Variants in PIWIL1 observed in about 807,000 individuals in gnomAD.
The protein encoded by PIWIL1 is piwi-like protein 1.
A neutral mutation model predicts 114.4 loss-of-function variants in PIWIL1; 73 were observed. The observed-to-expected ratio is 0.64, with a 90% confidence interval of 0.53 to 0.78. The LOEUF (loss-of-function observed/expected upper bound fraction) is 0.78, where lower values mean the gene tolerates loss of function less well. PIWIL1 is among the 30% of genes least tolerant of loss of function. The probability of loss-of-function intolerance (pLI) is 0.00; values close to 1 mark genes in which losing one functional copy is unlikely to be tolerated. For synonymous variants in PIWIL1, 375 were observed against 369.0 expected (o/e 1.02, Z -0.19); for missense variants, 723 against 1,063.1 (o/e 0.68, Z 4.45).
the PIWIL1 span, among the ~76,000 whole-genome samples, chr12:130,393,090 G>A: frequency 2.2e-3 from 38 of 17,618 alleles, no homozygotes; most frequent in East Asian, 5.8e-3. Context: ...CCCAGTCACC[G>A]TCATCACGTG....
chr12:130,424,641 T>C, the PIWIL1 span: 1 of 1,231,692 alleles, frequency 8.1e-7, no homozygotes, highest in East Asian at 3.2e-5. This position sits in a 1 kb window ranked among gnomAD's most constrained non-coding sequence, Gnocchi z 9.8. Context: ...CCGAGGGGCC[T>C]CGTCGCCCCT....
rs1260263862 is a variant in PIWIL1 at position 130,354,645 on chromosome 12, G to A, written c.1153G>A (p.Glu385Lys). 6.3e-7 allele frequency: 1 copy of A among 1,596,404 alleles called. No individual in the cohort carries two copies. The highest frequency in any genetic ancestry group is 8.5e-7 in the Non-Finnish European group (1 of 1,174,312). ...TLPGPAMLIP[E>K]LCYLTGLTDK... ...GCCAGGGCCTGCCATGCTCATTCCT[G>A]AGCTCTGCTATCTTACAGGTACTGT... Residue 385 changes from glutamate (E) to lysine (K), a missense_variant, in exon 10 of 21, where the codon GAG becomes AAG. By Grantham distance (56) the Glu-to-Lys change is moderately conservative. Coordinates refer to ENST00000245255, the MANE Select transcript of PIWIL1 (RefSeq NM_004764.5).
intron 13 of PIWIL1, 63 bp from the exon 14 acceptor site, chr12:130,357,418 G>A: frequency 8.2e-7 from 1 of 1,222,598 alleles, no homozygotes; most frequent in Non-Finnish European, 1.2e-6. Context: ...ACAGGAAGGT[G>A]TTTATGCACG....
At chr12:130,391,533 G>T in the PIWIL1 span, among the ~76,000 whole-genome samples, 1 of 152,222 alleles carries the variant, frequency 6.6e-6, no homozygotes, top group Admixed American at 6.5e-5. Flanking sequence ...TTTAAGAAGG[G>T]ACTAGAAAAA....
intron 1 of PIWIL1, among the ~76,000 whole-genome samples, chr12:130,340,106 G>A (rs1345439488): frequency 6.6e-6 from 1 of 152,154 alleles, no homozygotes; most frequent in Non-Finnish European, 1.5e-5. Context: ...TCACGCCGGG[G>A]AAACGGCTTT....
chr12:130,400,916 A>G, the PIWIL1 span, among the ~76,000 whole-genome samples: 8 of 152,276 alleles, frequency 5.3e-5, no homozygotes, highest in Middle Eastern at 3.4e-3. Flanking sequence ...AACAAAATGG[A>G]AAAAACAGGT....
chr12:130,399,136 T>TA, the PIWIL1 span: 3 of 1,398,962 alleles, frequency 2.1e-6, no homozygotes, highest in East Asian at 8.1e-5. Context: ...ATTGCCTGAT[T>TA]AAGGTGTGAA....
the PIWIL1 span, among the ~76,000 whole-genome samples, chr12:130,391,928 A>C: frequency 1.1e-5 from 1 of 92,212 alleles, no homozygotes; most frequent in Admixed American, 1.0e-4. Flanking sequence ...TGAATATTCA[A>C]TGTGATGACC....
At chr12:130,340,864 G>A (rs925325284) in intron 1 of PIWIL1, among the ~76,000 whole-genome samples, 1 of 152,146 alleles carries the variant, frequency 6.6e-6, no homozygotes, top group Non-Finnish European at 1.5e-5. Context: ...GCACCTCAGC[G>A]GATTATCCTG....
intron 8 of PIWIL1, 50 bp from the exon 9 acceptor site, chr12:130,349,806 T>C: frequency 9.8e-7 from 1 of 1,024,708 alleles, no homozygotes; most frequent in Non-Finnish European, 1.5e-6. Context: ...TTTTTAATAT[T>C]AGTTCTTCAC....
intron 18 of PIWIL1, chr12:130,366,473 GC>G (rs2136190387): frequency 6.6e-6 from 1 of 152,432 alleles, no homozygotes; most frequent in South Asian, 2.1e-4. Context: ...ACACAGGAGA[GC>G]CGCCTGAAGA....
At chr12:130,424,821 C>T in the PIWIL1 span, 2 of 1,232,698 alleles carry the variant, frequency 1.6e-6, no homozygotes, top group Non-Finnish European at 2.0e-6. The surrounding 1 kb of genome is among the most constrained non-coding windows in gnomAD (Gnocchi z 9.8). Context: ...GGGCTGCTCC[C>T]AGAAAGTGCC....
At chr12:130,359,721 A>G (rs2073458704) in intron 14 of PIWIL1, among the ~76,000 whole-genome samples, 1 of 152,226 alleles carries the variant, frequency 6.6e-6, no homozygotes, top group Non-Finnish European at 1.5e-5. Context: ...AGTTCAGTCA[A>G]TTCCTATTGC....
At chr12:130,417,377 C>T in the PIWIL1 span, among the ~76,000 whole-genome samples, 1 of 152,182 alleles carries the variant, frequency 6.6e-6, no homozygotes, top group African/African-American at 2.4e-5. Context: ...AGATGTGGTG[C>T]GTATACCACA....
intron 6 of PIWIL1, among the ~76,000 whole-genome samples, chr12:130,347,612 ACT>A (rs1216901003): frequency 1.3e-5 from 2 of 152,202 alleles, no homozygotes; most frequent in African/African-American, 4.8e-5. Context: ...TCATAAGATA[ACT>A]GTCACTGATG....
intron 14 of PIWIL1, among the ~76,000 whole-genome samples, chr12:130,357,887 G>A (rs2073408326): frequency 6.6e-6 from 1 of 152,282 alleles, no homozygotes; most frequent in East Asian, 1.9e-4. Flanking sequence ...TTCGGCACAC[G>A]TAGACGTATG....
At chr12:130,365,728 T>C (rs1326188809) in intron 18 of PIWIL1, among the ~76,000 whole-genome samples, 2 of 152,248 alleles carry the variant, frequency 1.3e-5, no homozygotes, top group Non-Finnish European at 2.9e-5. Flanking sequence ...ATCCACCTTA[T>C]GTCCTTCCGT....
chr12:130,343,073 A>G lies in PIWIL1; in HGVS notation c.162A>G (p.Gly54=), dbSNP rs2072970088. ...GELFGRGRQR[G]TAGGTAKSQG... ...TATTTGGCCGTGGACGGCAGAGAGGAACAGCAGGAGGAACAGCCAAGTCAC... is the reference window on the plus strand; with the variant it reads ...TATTTGGCCGTGGACGGCAGAGAGGGACAGCAGGAGGAACAGCCAAGTCAC... Residue 54 remains glycine, a synonymous_variant, in exon 3 of 21, where the codon GGA becomes GGG. Coordinates refer to ENST00000245255, the MANE Select transcript of PIWIL1 (RefSeq NM_004764.5). 1 of 1,613,826 alleles carries G rather than the reference A, an allele frequency of 6.2e-7. No individual in the cohort carries two copies. The highest frequency in any genetic ancestry group is 1.3e-5 in the African/African-American group (1 of 75,056).
the PIWIL1 span, among the ~76,000 whole-genome samples, chr12:130,382,157 G>A: frequency 6.6e-6 from 1 of 152,232 alleles, no homozygotes; most frequent in Non-Finnish European, 1.5e-5. Context: ...GGTGTTTGAT[G>A]TTTGGGTAAA....
Sources: allele counts gnomAD v4.1 joint callset (sites outside exome capture counted in the v4.1 genomes callset), GRCh38; gene constraint gnomAD v4.1.1; non-coding constraint Gnocchi (gnomAD v3.1); transcripts MANE v1.5; gene names NCBI Gene and HGNC (gene_info 2026-07-23, HGNC 2026-07-21).